ANKRD27: variants seen among roughly 807,000 people sequenced by gnomAD.
ANKRD27 encodes the protein ankyrin repeat domain-containing protein 27.
Under a neutral mutation model 129.7 loss-of-function variants are expected in ANKRD27, and 112 were observed. That is an observed-to-expected ratio of 0.86 (90% CI 0.74 to 1.01). The LOEUF (loss-of-function observed/expected upper bound fraction) is 1.01. Ranked by LOEUF, ANKRD27 falls within the 50% of genes least tolerant of loss-of-function variation. The pLI, the probability that ANKRD27 is intolerant of heterozygous loss-of-function variation, is 0.00. For synonymous variants in ANKRD27, 516 were observed against 511.2 expected, an observed-to-expected ratio of 1.01 and a Z score of -0.13; for missense variants, 1,258 against 1,300.5, an observed-to-expected ratio of 0.97 and a Z score of 0.50.
At chr19:32,645,115 T>A (rs540129391) in intron 4 of ANKRD27, among the ~76,000 whole-genome samples, 1 of 152,144 alleles carries the variant, frequency 6.6e-6, no homozygotes, top group Non-Finnish European at 1.5e-5. Flanking sequence ...TAACCTTTTT[T>A]AAAAAAATAA....
intron 2 of ANKRD27, among the ~76,000 whole-genome samples, chr19:32,657,145 C>T (rs1468936551): frequency 2.0e-5 from 3 of 151,900 alleles, no homozygotes; most frequent in African/African-American, 4.8e-5. Context: ...TGGGACAACA[C>T]GGTGAAACCC....
In ANKRD27 at chr19:32,598,327, C is replaced by T. The variant is rs764129016; in HGVS notation, c.2971G>A (p.Gly991Arg). Reference protein sequence around the residue: ...LRQNNLPAQSGSHAAEKGNSD... With the variant: ...LRQNNLPAQSRSHAAEKGNSD... ...TTGCCTTTCTCAGCAGCATGAGATC[C>T]ACTCTGAGCTGGCAGGTTATTCTGT... is the stretch of plus-strand genomic sequence containing the variant. Residue 991 changes from glycine (G) to arginine (R), a missense_variant, in exon 29 of 29, where the codon GGA becomes AGA. Gly to Arg is a moderately radical substitution (Grantham distance 125). Transcript: ENST00000306065. 5 of 1,614,068 alleles carry T rather than the reference C, an allele frequency of 3.1e-6. No homozygotes were observed. In the African/African-American group the frequency reaches 4.0e-5, roughly 13 times the overall value.
Position 32,619,357 on chromosome 19 carries a change from C to T in ANKRD27, c.1910G>A (p.Arg637His), listed in dbSNP as rs201500413. ...SSEAPVQSPQ[R>H]SVDSISQESS... ...CTCTTGGCTGATGGAGTCCACGGAGCGCTGCGGGGACTGCACAGGGGCCTG... is the reference window on the plus strand; with the variant it reads ...CTCTTGGCTGATGGAGTCCACGGAGTGCTGCGGGGACTGCACAGGGGCCTG... Residue 637 changes from arginine (R) to histidine (H), a missense_variant, in exon 20 of 29, where the codon CGC (arginine) becomes CAC (histidine). Physicochemically the swap from Arg to His is conservative, Grantham distance 29. Transcript: ENST00000306065. 6.3e-5 allele frequency: 102 copies of T among 1,613,610 alleles called. No homozygotes were observed. The East Asian group carries it at 1.8e-3, about 29-fold the overall frequency.
chr19:32,666,639 C>CTTTTTTTTTTTTTTTTTTTTTT (rs1421941665), intron 1 of ANKRD27, among the ~76,000 whole-genome samples: 1 of 112,020 alleles, frequency 8.9e-6, no homozygotes. Flanking sequence ...AATCAGATTT[C>CTTTTTTTTTTTTTTTTTTTTTT]TATTTTTTTT....
chr19:32,650,570 C>T (rs189275693), intron 2 of ANKRD27, among the ~76,000 whole-genome samples: 1 of 151,938 alleles, frequency 6.6e-6, no homozygotes, highest in Non-Finnish European at 1.5e-5. Flanking sequence ...GCCTGTAATC[C>T]CAGCTACTCG....
At chr19:32,629,964 A>G (rs954373871) in intron 13 of ANKRD27, among the ~76,000 whole-genome samples, 1 of 151,598 alleles carries the variant, frequency 6.6e-6, no homozygotes, top group Middle Eastern at 3.4e-3. Context: ...GTAGAGTGGC[A>G]CAATCAGAGC....
intron 1 of ANKRD27, among the ~76,000 whole-genome samples, chr19:32,660,271 A>C (rs1967619187): frequency 6.6e-6 from 1 of 152,214 alleles, no homozygotes; most frequent in Non-Finnish European, 1.5e-5. Flanking sequence ...GCAGCCGGGC[A>C]CAGTGGCTCA....
chr19:32,673,426 C>T (rs908411517), intron 1 of ANKRD27: 10 of 985,302 alleles, frequency 1.0e-5, no homozygotes, highest in Non-Finnish European at 1.2e-5. Context: ...CTTTCCAGCG[C>T]CGAGCTCTGC....
intron 17 of ANKRD27, among the ~76,000 whole-genome samples, chr19:32,622,956 A>T (rs77542688): frequency 7.1e-5 from 10 of 140,590 alleles, no homozygotes; most frequent in East Asian, 4.4e-4. Context: ...TTTTTTTTTT[A>T]ATTTTTTTTT....
intron 1 of ANKRD27, among the ~76,000 whole-genome samples, chr19:32,664,590 T>C (rs1967710462): frequency 6.7e-6 from 1 of 148,826 alleles, no homozygotes; most frequent in Admixed American, 6.8e-5. Flanking sequence ...CACTCCAGCC[T>C]GGGCAACAGA....
At chr19:32,598,584 A>G (rs751286990) in intron 28 of ANKRD27, among the ~76,000 whole-genome samples, 1 of 152,124 alleles carries the variant, frequency 6.6e-6, no homozygotes, top group Non-Finnish European at 1.5e-5. Flanking sequence ...TTGTTTTCAC[A>G]ATCTTTATGA....
chr19:32,650,314 G>A (rs1967388598), intron 2 of ANKRD27, among the ~76,000 whole-genome samples: 1 of 152,200 alleles, frequency 6.6e-6, no homozygotes, highest in Non-Finnish European at 1.5e-5. Context: ...CACTTTGAGA[G>A]GCCAAGGCAG....
At position 32,643,603 on chromosome 19, in the gene ANKRD27, C is replaced by T; in HGVS notation, c.554G>A (p.Cys185Tyr). The T allele has an allele frequency of 6.2e-7, 1 of 1,614,054 alleles. No individual in the cohort carries two copies. Among genetic ancestry groups the T allele is most frequent in the Non-Finnish European group, 8.5e-7 (1 of 1,180,022 alleles). Residue 185 changes from cysteine to tyrosine, a missense_variant, in exon 6 of 29, where the codon TGC becomes TAC. Coordinates refer to ENST00000306065, the MANE Select transcript of ANKRD27 (RefSeq NM_032139.3). ...AGAGTCCCTCAGAAGCTGCTGGAGG[C>T]ATTTGGTGTAGAGAGCATTCGCTGA... ...IDSANALYTKCLQQLLRDSHL... is the reference protein window; with the variant it reads ...IDSANALYTKYLQQLLRDSHL...
At chr19:32,627,878 G>A (rs1244187738) in intron 15 of ANKRD27, among the ~76,000 whole-genome samples, 1 of 152,242 alleles carries the variant, frequency 6.6e-6, no homozygotes, top group Non-Finnish European at 1.5e-5. Context: ...GGGGGGCTCA[G>A]CCAGCGCAGG....
At chr19:32,648,135 G>A (rs1230594905) in intron 3 of ANKRD27, among the ~76,000 whole-genome samples, 1 of 152,008 alleles carries the variant, frequency 6.6e-6, no homozygotes, top group Admixed American at 6.6e-5. Flanking sequence ...GCATGGTGGC[G>A]AGTGCTTGCA....
At chr19:32,615,591 A>G in intron 22 of ANKRD27, 67 bp downstream of exon 22, 2 of 1,613,456 alleles carry the variant, frequency 1.2e-6, no homozygotes, top group South Asian at 2.2e-5. Flanking sequence ...CTCAAAAAAC[A>G]AAAACAAAAA....
chr19:32,628,831 G>C lies in ANKRD27; in HGVS notation c.1228C>G (p.Gln410Glu). 1.2e-6 allele frequency: 2 copies of C among 1,614,058 alleles called. No homozygotes were observed. Among genetic ancestry groups the C allele is most frequent in the South Asian group, 2.2e-5 (2 of 91,070 alleles). Residue 410 changes from glutamine (Q) to glutamate (E), a missense_variant, in exon 14 of 29, where the codon CAG becomes GAG. By Grantham distance (29) the Gln-to-Glu change is conservative. Transcript: ENST00000306065. The stretch of plus-strand genomic sequence containing the variant: ...CTCAGAAGTCTCTCCACTTCTTTCT[G>C]GTTACCTGATGCAATGTGCTGAAAA... ...CLFKHIASGN[Q>E]KEVERLLSQE... is the part of the protein sequence containing the mutation.
rs372621751 is a variant in ANKRD27, at chr19:32,659,059, G to A, written c.-30-14C>T. On this transcript the variant is annotated splice_polypyrimidine_tract_variant and intron_variant, in intron 1 of 28. Coordinates refer to ENST00000306065, the MANE Select transcript of ANKRD27 (RefSeq NM_032139.3). ...AGAGCAAATCTCCTGCAATAAGGGA[G>A]GGAAAAGCAGTGAATAGCCATTTTC... 67 of 1,426,320 alleles carry A rather than the reference G, an allele frequency of 4.7e-5. No homozygotes were observed. The highest frequency in any genetic ancestry group is 6.5e-5 in the Non-Finnish European group (66 of 1,009,500). 88.4% of individuals were successfully genotyped at this position (1,426,320 alleles called of 1,614,324 possible). A position where few individuals can be genotyped will look rare whatever the true frequency, so the allele number is the denominator to read the frequency against.
At chr19:32,641,266 T>C (rs1051633965) in intron 10 of ANKRD27, among the ~76,000 whole-genome samples, 1 of 151,552 alleles carries the variant, frequency 6.6e-6, no homozygotes, top group Non-Finnish European at 1.5e-5. Context: ...TGCCACCCCC[T>C]TGGACGCTGA....
Sources: allele counts gnomAD v4.1 joint callset (sites outside exome capture counted in the v4.1 genomes callset), GRCh38; gene constraint gnomAD v4.1.1; transcripts MANE v1.5; gene names NCBI Gene and HGNC (gene_info 2026-07-23, HGNC 2026-07-21).